The following PDZD2 variants were observed in gnomAD, a reference collection of about 807,000 sequenced individuals.
The protein encoded by PDZD2 is PDZ domain containing 2.
PDZD2 carries 90 observed loss-of-function variants against 220.7 expected under a neutral mutation model. The observed-to-expected ratio is 0.41, with a 90% CI of 0.34 to 0.49. The LOEUF (loss-of-function observed/expected upper bound fraction) is 0.49, where lower values mean the gene tolerates loss of function less well. Among genes scored for constraint, PDZD2 ranks in the 20% least tolerant of loss-of-function variants. The pLI, the probability that PDZD2 is intolerant of heterozygous loss-of-function variation, is 0.28. For missense variants in PDZD2, 3,174 were observed against 3,608.5 expected, an observed-to-expected ratio of 0.88 and a Z score of 3.08; for synonymous variants, 1,375 against 1,450.5, an observed-to-expected ratio of 0.95 and a Z score of 1.18.
intron 1 of PDZD2, among the ~76,000 whole-genome samples, chr5:31,680,710 C>T (rs1329929425): frequency 3.9e-5 from 6 of 152,088 alleles, no homozygotes; most frequent in South Asian, 2.1e-4. Flanking sequence ...CTCGTCAGGA[C>T]GTGCGAGCTT....
chr5:32,003,323 A>ACCCCCCAC (rs1561317569), intron 5 of PDZD2, among the ~76,000 whole-genome samples: 32 of 27,588 alleles, frequency 1.2e-3, no homozygotes, highest in Non-Finnish European at 1.9e-3. Context: ...CACCCCACAC[A>ACCCCCCAC]CACACCCCCA....
intron 2 of PDZD2, among the ~76,000 whole-genome samples, chr5:31,883,978 C>T (rs997377630): frequency 2.0e-5 from 3 of 152,122 alleles, no homozygotes; most frequent in Admixed American, 6.6e-5. Context: ...TTTGGGAGGC[C>T]GAAGAGGACA....
chr5:31,741,136 A>T (rs1399796627), intron 1 of PDZD2, among the ~76,000 whole-genome samples: 1 of 152,034 alleles, frequency 6.6e-6, no homozygotes. Flanking sequence ...CTTTTTGAAG[A>T]CCCCTTGTAC....
intron 2 of PDZD2, among the ~76,000 whole-genome samples, chr5:31,834,706 T>C (rs931488868): frequency 4.7e-5 from 7 of 149,870 alleles, no homozygotes; most frequent in African/African-American, 1.7e-4. Context: ...TTTATCTTAC[T>C]TGGAGCATTG....
At chr5:32,008,334 C>T (rs1288993311) in intron 5 of PDZD2, among the ~76,000 whole-genome samples, 2 of 143,632 alleles carry the variant, frequency 1.4e-5, no homozygotes, top group African/African-American at 5.3e-5. Context: ...GCTGTTGTTG[C>T]CCAGGCTACA....
intron 1 of PDZD2, among the ~76,000 whole-genome samples, chr5:31,653,678 C>T (rs1745435787): frequency 6.6e-6 from 1 of 152,200 alleles, no homozygotes; most frequent in Admixed American, 6.5e-5. Context: ...CATAAACTGT[C>T]ACACGTGCAG....
intron 2 of PDZD2, among the ~76,000 whole-genome samples, chr5:31,877,373 G>A (rs1313470788): frequency 6.6e-6 from 1 of 151,872 alleles, no homozygotes; most frequent in Non-Finnish European, 1.5e-5. Flanking sequence ...ATACCACCAC[G>A]CTGAGCTAAT....
At chr5:31,912,914 C>G (rs1168573559) in intron 2 of PDZD2, among the ~76,000 whole-genome samples, 1 of 151,722 alleles carries the variant, frequency 6.6e-6, no homozygotes, top group Non-Finnish European at 1.5e-5. Flanking sequence ...GCAAGGATAA[C>G]AAATGTACCC....
At chr5:31,840,433 TATATATATA>T (rs1561499255) in intron 2 of PDZD2, 1,678 of 93,720 alleles carry the variant, frequency 0.018, 92 homozygotes, top group East Asian at 0.025. Context: ...TATATATATA[TATATATATA>T]TATATATTTG....
At chr5:32,028,710 C>A (rs1754890499) in intron 6 of PDZD2, among the ~76,000 whole-genome samples, 1 of 130,694 alleles carries the variant, frequency 7.7e-6, no homozygotes, top group South Asian at 2.4e-4. Flanking sequence ...GAGACAGAGT[C>A]TCGCTCTTGT....
intron 2 of PDZD2, among the ~76,000 whole-genome samples, chr5:31,817,358 G>C (rs932942426): frequency 6.6e-6 from 1 of 151,820 alleles, no homozygotes; most frequent in Non-Finnish European, 1.5e-5. Flanking sequence ...GCCGGCCGTG[G>C]TGGTGGATCC....
intron 1 of PDZD2, among the ~76,000 whole-genome samples, chr5:31,688,613 G>GCA (rs1350964852): frequency 6.6e-6 from 1 of 152,170 alleles, no homozygotes; most frequent in Non-Finnish European, 1.5e-5. Flanking sequence ...GAGCACATGT[G>GCA]CACACACACA....
intron 1 of PDZD2, among the ~76,000 whole-genome samples, chr5:31,668,147 C>T (rs183140065): frequency 1.3e-5 from 2 of 152,234 alleles, no homozygotes; most frequent in Admixed American, 6.5e-5. Flanking sequence ...AGGCGTGGGC[C>T]GCTGCACTTG....
chr5:31,696,287 A>T (rs947814404), intron 1 of PDZD2, among the ~76,000 whole-genome samples: 2 of 152,104 alleles, frequency 1.3e-5, no homozygotes, highest in Non-Finnish European at 2.9e-5. Context: ...TTACTATGGG[A>T]GGAGTTCTTC....
chr5:31,729,166 C>A lies in PDZD2; in HGVS notation c.-360-69723C>A, dbSNP rs186387966. ...TTGCCCAGGCTGGAGTGCAATGGTG[C>A]GATCTCGGCTAACTGCAACCTCCGC... On this transcript the variant is annotated intron_variant, in intron 1 of 24. Coordinates refer to ENST00000438447, the MANE Select transcript of PDZD2 (RefSeq NM_178140.4). Among the ~76,000 whole-genome samples, 168 of 135,606 alleles carry A rather than the reference C, an allele frequency of 1.2e-3. 2 individuals are homozygous for A. The highest frequency in any genetic ancestry group is 4.4e-3 in the African/African-American group (155 of 35,630). 89.0% of individuals were successfully genotyped at this position (135,606 alleles called of 152,430 possible).
At chr5:31,678,455 G>GGGGGACGTCTGGAGCCT (rs1340071022) in intron 1 of PDZD2, among the ~76,000 whole-genome samples, 1 of 151,940 alleles carries the variant, frequency 6.6e-6, no homozygotes, top group East Asian at 1.9e-4. Context: ...CAGTTCTGGT[G>GGGGGACGTCTGGAGCCT]GGGGACGTCT....
intron 2 of PDZD2, among the ~76,000 whole-genome samples, chr5:31,870,511 A>G (rs1738690088): frequency 6.6e-6 from 1 of 152,200 alleles, no homozygotes; most frequent in African/African-American, 2.4e-5. Context: ...TAAAAAATCT[A>G]GTAATATCCC....
chr5:32,065,992 C>A (rs1459275550), intron 14 of PDZD2, among the ~76,000 whole-genome samples: 1 of 151,646 alleles, frequency 6.6e-6, no homozygotes, highest in Non-Finnish European at 1.5e-5. Context: ...CCATCACACT[C>A]CAGCCTGGGG....
At chr5:32,023,162 G>A (rs1384342376) in intron 6 of PDZD2, among the ~76,000 whole-genome samples, 1 of 152,180 alleles carries the variant, frequency 6.6e-6, no homozygotes, top group East Asian at 1.9e-4. Context: ...CTGAAGGCAG[G>A]GCTGGCCCTA....
Sources: gnomAD v4.1 joint callset for allele counts (sites outside exome capture counted in the v4.1 genomes callset) on GRCh38, gnomAD v4.1.1 for gene constraint, MANE v1.5 for transcripts, NCBI Gene and HGNC (gene_info 2026-07-23, HGNC 2026-07-21) for gene names.